The following ADAM23 variants were observed in gnomAD, a reference collection of about 807,000 sequenced individuals.
ADAM23 encodes ADAM metallopeptidase domain 23.
Under a neutral mutation model 120.1 loss-of-function variants are expected in ADAM23, and 33 were observed. That is an observed-to-expected ratio of 0.27 (90% CI 0.21 to 0.37). The LOEUF is 0.37. Ranked by LOEUF, ADAM23 falls within the 10% of genes least tolerant of loss-of-function variation. ADAM23 has a pLI of 1.00. For missense variants in ADAM23, 862 were observed against 1,058.2 expected, an observed-to-expected ratio of 0.81 and a Z score of 2.57; for synonymous variants, 367 against 375.2, an observed-to-expected ratio of 0.98 and a Z score of 0.25.
intron 3 of ADAM23, among the ~76,000 whole-genome samples, chr2:206,523,342 G>A (rs1186320803): frequency 2.0e-5 from 3 of 152,060 alleles, no homozygotes; most frequent in African/African-American, 7.2e-5. Flanking sequence ...TTCATGCTAG[G>A]AACATTCTCT....
chr2:206,504,902 G>A (rs568821109), intron 3 of ADAM23, among the ~76,000 whole-genome samples: 13 of 152,242 alleles, frequency 8.5e-5, no homozygotes, highest in East Asian at 7.7e-4. Flanking sequence ...TAAATGTACC[G>A]TCTGTACCTA....
intron 3 of ADAM23, among the ~76,000 whole-genome samples, chr2:206,498,866 A>G (rs140273655): frequency 0.076 from 11,576 of 152,336 alleles, 492 homozygotes; most frequent in Middle Eastern, 0.12. Flanking sequence ...TCAAAAGAAG[A>G]TATTTATGCA....
intron 2 of ADAM23, among the ~76,000 whole-genome samples, chr2:206,467,978 T>C (rs1695575967): frequency 6.6e-6 from 1 of 152,168 alleles, no homozygotes; most frequent in Non-Finnish European, 1.5e-5. Flanking sequence ...CTTTTAACCA[T>C]GACTGGCCGG....
At chr2:206,449,841 T>C (rs1695156209) in intron 2 of ADAM23, among the ~76,000 whole-genome samples, 1 of 152,128 alleles carries the variant, frequency 6.6e-6, no homozygotes, top group Admixed American at 6.5e-5. Flanking sequence ...TCTCTTCTGG[T>C]TGGGAAGGGA....
intron 3 of ADAM23, among the ~76,000 whole-genome samples, chr2:206,497,091 C>T (rs1340613247): frequency 6.6e-6 from 1 of 152,204 alleles, no homozygotes; most frequent in Admixed American, 6.5e-5. Context: ...GAGCTGGTAC[C>T]ATTCCTTCTG....
intron 14 of ADAM23, among the ~76,000 whole-genome samples, chr2:206,566,051 A>G (rs1163929999): frequency 3.3e-5 from 5 of 151,976 alleles, no homozygotes; most frequent in African/African-American, 1.2e-4. Context: ...TTAGTAATTT[A>G]TGGCTTAACC....
At chr2:206,586,298 G>A (rs1698319964) in intron 18 of ADAM23, among the ~76,000 whole-genome samples, 1 of 152,198 alleles carries the variant, frequency 6.6e-6, no homozygotes, top group Non-Finnish European at 1.5e-5. Context: ...GACTAGGATA[G>A]AAGCAAGGGA....
At chr2:206,462,737 A>G (rs1695451868) in intron 2 of ADAM23, among the ~76,000 whole-genome samples, 1 of 152,084 alleles carries the variant, frequency 6.6e-6, no homozygotes, top group Admixed American at 6.6e-5. Context: ...TGAGGGATGG[A>G]GAGACATTTT....
Position 206,443,760 on chromosome 2 carries a change from G to C in ADAM23, c.-107G>C. The C allele has an allele frequency of 2.0e-6, 1 of 503,794 alleles. No individual in the cohort carries two copies. The highest frequency in any genetic ancestry group is 2.6e-6 in the Non-Finnish European group (1 of 391,816). The allele number at this position is 503,794 out of a possible 1,614,324, so 31.2% of individuals were successfully genotyped here. A position where few individuals can be genotyped will look rare whatever the true frequency, so the allele number is the denominator to read the frequency against. On this transcript the variant is annotated 5_prime_UTR_variant, in exon 1 of 26. Coordinates refer to ENST00000264377, the MANE Select transcript of ADAM23 (RefSeq NM_003812.4). The stretch of plus-strand genomic sequence containing the variant: ...GAGCCCGGAGCCCCCTGCCCGCCGC[G>C]GCACCATGCGCGCCGAGCCGGCGTG...
intron 2 of ADAM23, among the ~76,000 whole-genome samples, chr2:206,475,702 T>C (rs943647837): frequency 4.6e-5 from 7 of 151,968 alleles, no homozygotes; most frequent in Admixed American, 1.3e-4. Flanking sequence ...TTAGCGAATT[T>C]TCCTCCTCCC....
chr2:206,578,570 A>G (rs1299777042), intron 18 of ADAM23, among the ~76,000 whole-genome samples: 1 of 151,034 alleles, frequency 6.6e-6, no homozygotes, highest in East Asian at 1.9e-4. Context: ...ATATATATAT[A>G]TATGTATGTA....
chr2:206,544,802 C>G (rs551463256), intron 6 of ADAM23, among the ~76,000 whole-genome samples: 10 of 151,756 alleles, frequency 6.6e-5, no homozygotes, highest in African/African-American at 2.4e-4. Flanking sequence ...TTAGTAGAGA[C>G]GGGATTTCAC....
At chr2:206,461,496 A>G (rs985781440) in intron 2 of ADAM23, among the ~76,000 whole-genome samples, 16 of 152,142 alleles carry the variant, frequency 1.1e-4, no homozygotes, top group Admixed American at 2.0e-4. Flanking sequence ...TTATATCTAG[A>G]TTTAAATTTC....
intron 5 of ADAM23, 84 bp downstream of exon 5, chr2:206,542,218 C>T (rs1157034537): frequency 1.6e-5 from 21 of 1,344,782 alleles, no homozygotes; most frequent in Middle Eastern, 1.8e-4. Context: ...GTGACTCTTC[C>T]GTGCCAGTGC....
At chr2:206,590,128 C>T (rs1318754371) in intron 21 of ADAM23, among the ~76,000 whole-genome samples, 3 of 151,680 alleles carry the variant, frequency 2.0e-5, no homozygotes, top group Admixed American at 1.3e-4. Context: ...GACTGAGTCT[C>T]GCTTTATCAC....
chr2:206,610,373 G>C (rs919223102), intron 25 of ADAM23, among the ~76,000 whole-genome samples: 1 of 152,178 alleles, frequency 6.6e-6, no homozygotes, highest in Admixed American at 6.5e-5. Context: ...TTTAAAACTT[G>C]TTTGTAGTCC....
rs1247136667 is a variant in ADAM23, at chr2:206,620,375, CTA to C, written c.*2750_*2751del. 6.6e-6 allele frequency: 1 copy of C among 151,970 alleles called. No homozygotes were observed. Among genetic ancestry groups the C allele is most frequent in the East Asian group, 1.9e-4 (1 of 5,186 alleles). 9.4% of individuals were successfully genotyped at this position (151,970 alleles called of 1,614,324 possible). ...ATATGTAAAATACACAAGCTTTAAG[CTA>C]TGTGTGTATGAATATGAAAGTTAAT... On this transcript the variant is annotated 3_prime_UTR_variant, in exon 26 of 26. Transcript: ENST00000264377.
intron 4 of ADAM23, among the ~76,000 whole-genome samples, chr2:206,537,830 C>T (rs1020731103): frequency 2.0e-5 from 3 of 152,120 alleles, no homozygotes; most frequent in African/African-American, 7.2e-5. Context: ...TTTCTTACCA[C>T]TGCATAAATA....
intron 3 of ADAM23, among the ~76,000 whole-genome samples, chr2:206,518,722 CTTGGTAA>C (rs954256624): frequency 3.3e-5 from 5 of 152,014 alleles, no homozygotes; most frequent in African/African-American, 1.2e-4. Flanking sequence ...CACTTTACAT[CTTGGTAA>C]TTGGGGTACA....
Sources: gnomAD v4.1 joint callset for allele counts (sites outside exome capture counted in the v4.1 genomes callset) on GRCh38, gnomAD v4.1.1 for gene constraint, MANE v1.5 for transcripts, NCBI Gene and HGNC (gene_info 2026-07-23, HGNC 2026-07-21) for gene names.